Variants in PIAS1 observed in about 807,000 individuals in gnomAD.
PIAS1 encodes the protein protein inhibitor of activated STAT 1, also known as E3 SUMO-protein ligase PIAS1.
A neutral mutation model predicts 71.3 loss-of-function variants in PIAS1; 6 were observed. The ratio of observed to expected loss-of-function variants is 0.08; its 90% CI spans 0.05 to 0.17. The LOEUF (loss-of-function observed/expected upper bound fraction) is 0.17, where lower values mean the gene tolerates loss of function less well. Ranked by LOEUF, PIAS1 falls within the 10% of genes least tolerant of loss-of-function variation. The pLI, the probability that PIAS1 is intolerant of heterozygous loss-of-function variation, is 1.00. For missense variants in PIAS1, 555 were observed against 793.6 expected, an observed-to-expected ratio of 0.70 and a Z score of 3.61; for synonymous variants, 303 against 292.9, an observed-to-expected ratio of 1.03 and a Z score of -0.35.
intron 8 of PIAS1, among the ~76,000 whole-genome samples, chr15:68,172,788 A>T (rs1225915571): frequency 6.6e-6 from 1 of 152,208 alleles, no homozygotes; most frequent in Non-Finnish European, 1.5e-5. Flanking sequence ...GGCTAAAGCT[A>T]GCAGCTCAGG....
chr15:68,077,202 C>T (rs2092176141), intron 1 of PIAS1, among the ~76,000 whole-genome samples: 1 of 152,186 alleles, frequency 6.6e-6, no homozygotes, highest in Non-Finnish European at 1.5e-5. Flanking sequence ...TACATCCCCT[C>T]TTGTCCAAAT....
chr15:68,073,316 G>A (rs974488129), intron 1 of PIAS1, among the ~76,000 whole-genome samples: 4 of 151,812 alleles, frequency 2.6e-5, no homozygotes, highest in Admixed American at 6.6e-5. Context: ...CGTGCCCGGC[G>A]AGGTTATATG....
intron 6 of PIAS1, among the ~76,000 whole-genome samples, chr15:68,151,704 ACAC>A (rs1567065580): frequency 6.6e-5 from 7 of 105,532 alleles, no homozygotes; most frequent in South Asian, 4.1e-4. Flanking sequence ...ACACACACAC[ACAC>A]AAATTAGCTA....
At chr15:68,120,613 T>G (rs1356467017) in intron 2 of PIAS1, among the ~76,000 whole-genome samples, 1 of 152,150 alleles carries the variant, frequency 6.6e-6, no homozygotes, top group Non-Finnish European at 1.5e-5. Context: ...CCCCTCCTGG[T>G]CTTTGTGCTA....
chr15:68,098,529 A>G (rs2092397093), intron 2 of PIAS1, among the ~76,000 whole-genome samples: 1 of 152,160 alleles, frequency 6.6e-6, no homozygotes. Context: ...ATTGTACTTA[A>G]TTTTTTGATT....
intron 1 of PIAS1, among the ~76,000 whole-genome samples, chr15:68,071,692 C>G (rs1017810066): frequency 2.6e-5 from 4 of 151,950 alleles, no homozygotes; most frequent in Admixed American, 6.6e-5. Context: ...TGGCCAGGCA[C>G]AGTGGCTCAC....
rs147979001 is a variant in PIAS1, at chr15:68,174,538, T to G, written c.1169+646T>G. Among the ~76,000 whole-genome samples, 81 of 152,280 alleles carry G rather than the reference T, an allele frequency of 5.3e-4. No individual in the cohort carries two copies. The highest frequency in any genetic ancestry group is 1.4e-3 in the Admixed American group (22 of 15,292). On this transcript the variant is annotated intron_variant, in intron 9 of 13. Transcript: ENST00000249636. The surrounding 1 kb of genome is among the most constrained non-coding windows in gnomAD (Gnocchi z 4.0). ...AAGGAGGACATCTCCTTGATTTTTT[T>G]GGGGATGGGGGGTTAGAGACAGAGT...
chr15:68,075,126 C>T (rs1352745012), intron 1 of PIAS1, among the ~76,000 whole-genome samples: 1 of 134,086 alleles, frequency 7.5e-6, no homozygotes, highest in African/African-American at 2.8e-5. Flanking sequence ...TCTCTTTTGC[C>T]CAGGCTGGAG....
At chr15:68,149,905 C>T (rs546995963) in intron 6 of PIAS1, among the ~76,000 whole-genome samples, 1 of 152,060 alleles carries the variant, frequency 6.6e-6, no homozygotes, top group Non-Finnish European at 1.5e-5. Flanking sequence ...TTGACTTGCT[C>T]CTTATGTTAA....
chr15:68,176,017 A>C (rs1310172019), intron 10 of PIAS1, among the ~76,000 whole-genome samples: 2 of 152,178 alleles, frequency 1.3e-5, no homozygotes, highest in African/African-American at 2.4e-5. Context: ...GTAAACTCAT[A>C]CTTTTGAAAC....
At position 68,191,053 on chromosome 15, in the gene PIAS1, A is replaced by T. The variant is rs2093117364; in HGVS notation, c.*3218A>T. 6.6e-6 allele frequency: 1 copy of T among 152,572 alleles called. No homozygotes were observed. The highest frequency in any genetic ancestry group is 1.5e-5 in the Non-Finnish European group (1 of 68,028). The allele number at this position is 152,572 out of a possible 1,614,324, so 9.5% of individuals were successfully genotyped here. ...TTCAGGACTTTTTAAAGCACATTTG[A>T]AATTATTTTAGTAAGAATTTTGTTT... On this transcript the variant is annotated 3_prime_UTR_variant, in exon 14 of 14. Transcript: ENST00000249636.
chr15:68,177,739 C>T (rs888002870), intron 11 of PIAS1, among the ~76,000 whole-genome samples: 3 of 152,232 alleles, frequency 2.0e-5, no homozygotes, highest in Admixed American at 2.0e-4. Context: ...ACTCTCAAAA[C>T]AGGCTGTTAG....
At chr15:68,158,663 GA>G (rs914187217) in intron 7 of PIAS1, among the ~76,000 whole-genome samples, 5 of 152,010 alleles carry the variant, frequency 3.3e-5, no homozygotes, top group Non-Finnish European at 1.5e-5. Context: ...GACAGCTACA[GA>G]AAAAAATCAG....
At chr15:68,126,024 C>T (rs1480600059) in intron 2 of PIAS1, among the ~76,000 whole-genome samples, 3 of 151,856 alleles carry the variant, frequency 2.0e-5, no homozygotes, top group Non-Finnish European at 4.4e-5. Flanking sequence ...TTTCTGTAAC[C>T]TGTTCTTGCC....
chr15:68,087,254 G>GCATGCA (rs571363705), intron 2 of PIAS1, among the ~76,000 whole-genome samples: 2 of 151,908 alleles, frequency 1.3e-5, no homozygotes, highest in Non-Finnish European at 2.9e-5. Flanking sequence ...TGCTTTACAG[G>GCATGCA]CATGCACATG....
Position 68,173,915 on chromosome 15 carries a change from G to A in PIAS1, c.1169+23G>A. The A allele has an allele frequency of 7.0e-7, 1 of 1,430,944 alleles. No individual in the cohort carries two copies. 88.6% of individuals were successfully genotyped at this position (1,430,944 alleles called of 1,614,324 possible). ...TGGGTATGTTACTTTAAGTGTTTTT[G>A]GTACCTTGAAATGACCATATATTAT... On this transcript the variant is annotated intron_variant, in intron 9 of 13. Coordinates refer to ENST00000249636, the MANE Select transcript of PIAS1 (RefSeq NM_016166.3). This position sits in a 1 kb window ranked among gnomAD's most constrained non-coding sequence, Gnocchi z 4.3.
At chr15:68,181,505 T>C in intron 12 of PIAS1, 151 bp downstream of exon 12, 2 of 662,076 alleles carry the variant, frequency 3.0e-6, no homozygotes, top group East Asian at 5.7e-5. Flanking sequence ...ATGCCGTTGT[T>C]ATAAATACTG....
At chr15:68,057,464 C>A in intron 1 of PIAS1, 1 of 434,820 alleles carries the variant, frequency 2.3e-6, no homozygotes, top group Non-Finnish European at 4.6e-6. Flanking sequence ...AGTTATAGTG[C>A]CATTTTAATT....
At chr15:68,071,252 A>C (rs2140965406) in intron 1 of PIAS1, among the ~76,000 whole-genome samples, 1 of 78,212 alleles carries the variant, frequency 1.3e-5, no homozygotes, top group Non-Finnish European at 2.3e-5. Flanking sequence ...GGCTAACCCC[A>C]GGGAGTTTGC....
Sources: allele counts gnomAD v4.1 joint callset (sites outside exome capture counted in the v4.1 genomes callset), GRCh38; gene constraint gnomAD v4.1.1; non-coding constraint Gnocchi (gnomAD v3.1); transcripts MANE v1.5; gene names NCBI Gene and HGNC (gene_info 2026-07-23, HGNC 2026-07-21).